SYNPR: variants seen among roughly 807,000 people sequenced by gnomAD.
SYNPR encodes the protein synaptoporin.
SYNPR carries 23 observed loss-of-function variants against 32.9 expected under a neutral mutation model. That is an observed-to-expected ratio of 0.70 (90% CI 0.50 to 0.99). SYNPR has a LOEUF of 0.99. SYNPR is among the 50% of genes least tolerant of loss of function. The pLI is 0.00. For missense variants in SYNPR, 318 were observed against 349.3 expected (o/e 0.91, Z 0.71); for synonymous variants, 146 against 135.9 (o/e 1.07, Z -0.52).
chr3:63,426,132 A>G (rs544152066), intron 2 of SYNPR, among the ~76,000 whole-genome samples: 5 of 152,334 alleles, frequency 3.3e-5, no homozygotes, highest in African/African-American at 1.2e-4. Context: ...GTGTTCAACA[A>G]AAGTTTGCTA....
At chr3:63,494,582 T>A (rs530834069) in intron 3 of SYNPR, among the ~76,000 whole-genome samples, 23 of 150,638 alleles carry the variant, frequency 1.5e-4, no homozygotes, top group African/African-American at 5.6e-4. Context: ...ATTATTATCA[T>A]CAAAAAAGGC....
intron 3 of SYNPR, among the ~76,000 whole-genome samples, chr3:63,523,373 G>A (rs1701948355): frequency 6.6e-6 from 1 of 152,128 alleles, no homozygotes; most frequent in Non-Finnish European, 1.5e-5. Flanking sequence ...GGGATGTTAA[G>A]GGATTATTCC....
At chr3:63,386,197 T>G (rs915456090) in intron 2 of SYNPR, among the ~76,000 whole-genome samples, 3 of 152,166 alleles carry the variant, frequency 2.0e-5, no homozygotes, top group African/African-American at 7.2e-5. Context: ...TAATCCTTAT[T>G]CTATAGAAAG....
At chr3:63,307,325 C>T (rs141841743) in intron 2 of SYNPR, among the ~76,000 whole-genome samples, 1 of 152,164 alleles carries the variant, frequency 6.6e-6, no homozygotes, top group East Asian at 1.9e-4. Context: ...TGTTCCCCAT[C>T]ACCCTTATCA....
intron 2 of SYNPR, among the ~76,000 whole-genome samples, chr3:63,282,896 T>C (rs749192600): frequency 1.4e-4 from 22 of 152,202 alleles, no homozygotes; most frequent in Non-Finnish European, 2.9e-4. Context: ...TACAGAGTCC[T>C]GTATTTGCAC....
intron 3 of SYNPR, among the ~76,000 whole-genome samples, chr3:63,538,495 C>T (rs1289716467): frequency 1.3e-5 from 2 of 151,742 alleles, no homozygotes; most frequent in Non-Finnish European, 2.9e-5. Context: ...GCCACCTTTG[C>T]CGTGATCTCA....
At chr3:63,292,698 T>G (rs9311872) in intron 2 of SYNPR, among the ~76,000 whole-genome samples, 1,844 of 152,350 alleles carry the variant, frequency 0.012, 30 homozygotes, top group African/African-American at 0.041. Flanking sequence ...TTCCTCCAAA[T>G]ATTCTTTTAC....
At chr3:63,562,125 A>G (rs1702701679) in intron 4 of SYNPR, among the ~76,000 whole-genome samples, 1 of 152,202 alleles carries the variant, frequency 6.6e-6, no homozygotes, top group Non-Finnish European at 1.5e-5. Context: ...TTGAAATGTC[A>G]TATCAGGTTA....
chr3:63,583,983 A>C (rs1445398828), intron 4 of SYNPR, among the ~76,000 whole-genome samples: 10 of 152,096 alleles, frequency 6.6e-5, no homozygotes, highest in Admixed American at 6.6e-4. Context: ...GCAGGCTTAC[A>C]GAGGAGGAGT....
chr3:63,536,412 A>C (rs1168134767), intron 3 of SYNPR, among the ~76,000 whole-genome samples: 1 of 152,136 alleles, frequency 6.6e-6, no homozygotes, highest in African/African-American at 2.4e-5. Context: ...AAACTACACT[A>C]TTTCAGCCTC....
intron 2 of SYNPR, among the ~76,000 whole-genome samples, chr3:63,314,100 A>AATATATATATATATC: frequency 1.0e-5 from 1 of 99,646 alleles, no homozygotes; most frequent in East Asian, 4.0e-4. Flanking sequence ...TATATATATC[A>AATATATATATATATC]CAGTTTCTTT....
chr3:63,536,756 G>A (rs1460511161), intron 3 of SYNPR, among the ~76,000 whole-genome samples: 1 of 152,046 alleles, frequency 6.6e-6, no homozygotes. Flanking sequence ...TTTTTTAAAG[G>A]TGATATAGCT....
chr3:63,605,208 G>A (rs1269034128), intron 4 of SYNPR, among the ~76,000 whole-genome samples: 4 of 152,190 alleles, frequency 2.6e-5, no homozygotes, highest in African/African-American at 9.6e-5. Context: ...CATTTTAATT[G>A]CAGGGCTCAG....
At chr3:63,549,607 T>C (rs1366268363) in intron 3 of SYNPR, among the ~76,000 whole-genome samples, 1 of 152,144 alleles carries the variant, frequency 6.6e-6, no homozygotes, top group African/African-American at 2.4e-5. Flanking sequence ...CCTAGCACAA[T>C]GCCTAGGTTG....
chr3:63,236,972 A>G (rs560787081), intron 1 of SYNPR, among the ~76,000 whole-genome samples: 33 of 152,274 alleles, frequency 2.2e-4, no homozygotes, highest in Non-Finnish European at 4.3e-4. Context: ...GTGCTTCACC[A>G]TAAGTATGAT....
chr3:63,359,278 C>T (rs1338531749), intron 2 of SYNPR, among the ~76,000 whole-genome samples: 1 of 152,152 alleles, frequency 6.6e-6, no homozygotes, highest in East Asian at 1.9e-4. Flanking sequence ...ATTCTCCAAA[C>T]AGGAGACTTT....
chr3:63,293,361 A>T (rs374270989), intron 2 of SYNPR, among the ~76,000 whole-genome samples: 1 of 152,178 alleles, frequency 6.6e-6, no homozygotes, highest in Non-Finnish European at 1.5e-5. Flanking sequence ...TTTATGCATA[A>T]GTGAAATGTT....
intron 3 of SYNPR, among the ~76,000 whole-genome samples, chr3:63,513,100 C>T (rs1183977366): frequency 2.1e-5 from 3 of 142,924 alleles, no homozygotes. Flanking sequence ...AGGAGAAATA[C>T]ACCAAAGAAA....
At chr3:63,400,893 G>A (rs2088281557) in intron 2 of SYNPR, among the ~76,000 whole-genome samples, 1 of 152,172 alleles carries the variant, frequency 6.6e-6, no homozygotes. Flanking sequence ...GGGCCAGTGT[G>A]TGAAGAGGTA....
Sources: allele counts gnomAD v4.1 joint callset (sites outside exome capture counted in the v4.1 genomes callset), GRCh38; gene constraint gnomAD v4.1.1; transcripts MANE v1.5; gene names NCBI Gene and HGNC (gene_info 2026-07-23, HGNC 2026-07-21).